ZNF536: variants seen among roughly 807,000 people sequenced by gnomAD.
The protein encoded by ZNF536 is zinc finger protein 536.
ZNF536 carries 13 observed loss-of-function variants against 84.5 expected under a neutral mutation model. That is an observed-to-expected ratio of 0.15 (90% confidence interval 0.10 to 0.24). The LOEUF (loss-of-function observed/expected upper bound fraction) is 0.24. Ranked by LOEUF, ZNF536 falls within the 10% of genes least tolerant of loss-of-function variation. The probability of loss-of-function intolerance (pLI) is 1.00; values close to 1 mark genes in which losing one functional copy is unlikely to be tolerated. For missense variants in ZNF536, 1,536 were observed against 1,747.5 expected (o/e 0.88, Z 2.16); for synonymous variants, 811 against 742.5 (o/e 1.09, Z -1.50).
intron 2 of ZNF536, among the ~76,000 whole-genome samples, chr19:30,489,531 A>G (rs2054426641): frequency 6.6e-6 from 1 of 152,132 alleles, no homozygotes; most frequent in Admixed American, 6.5e-5. Flanking sequence ...GCAGTGAGCT[A>G]TGATTGTGCC....
At chr19:30,530,328 CT>C (rs149810817) in intron 2 of ZNF536, among the ~76,000 whole-genome samples, 148 of 120,012 alleles carry the variant, frequency 1.2e-3, no homozygotes, top group African/African-American at 4.3e-3. Flanking sequence ...CTCTCTCTGT[CT>C]TTTTGTTGTT....
intron 1 of ZNF536, among the ~76,000 whole-genome samples, chr19:30,700,203 T>TC (rs1204835325): frequency 4.9e-5 from 6 of 123,588 alleles, no homozygotes; most frequent in African/African-American, 1.8e-4. Context: ...TTTCTTTCCT[T>TC]CTTTCTTTCC....
chr19:30,479,808 G>C (rs900452072), intron 2 of ZNF536, among the ~76,000 whole-genome samples: 14 of 152,328 alleles, frequency 9.2e-5, no homozygotes, highest in African/African-American at 3.4e-4. Flanking sequence ...GGGTATGGCT[G>C]GTTAACCAGC....
intron 1 of ZNF536, among the ~76,000 whole-genome samples, chr19:30,707,470 C>G (rs1391445066): frequency 5.3e-5 from 8 of 152,152 alleles, no homozygotes; most frequent in Non-Finnish European, 1.2e-4. Context: ...GGCAGTCACC[C>G]TGGGGACTCC....
intron 1 of ZNF536, among the ~76,000 whole-genome samples, chr19:30,644,188 G>A (rs2049373778): frequency 6.6e-6 from 1 of 152,050 alleles, no homozygotes; most frequent in Admixed American, 6.5e-5. Flanking sequence ...AAACACAGTG[G>A]GGTGCATTTT....
chr19:30,637,718 T>G (rs1402035557), intron 1 of ZNF536, among the ~76,000 whole-genome samples: 1 of 152,202 alleles, frequency 6.6e-6, no homozygotes, highest in African/African-American at 2.4e-5. Context: ...ATCACCCCTT[T>G]TTTCTCTTTT....
chr19:30,390,854 A>C (rs1326672370), intron 1 of ZNF536, among the ~76,000 whole-genome samples: 1 of 152,176 alleles, frequency 6.6e-6, no homozygotes, highest in African/African-American at 2.4e-5. Context: ...GGGGATCTCA[A>C]ACCCAGCCTG....
chr19:30,548,829 C>T lies in ZNF536; in HGVS notation c.3210C>T (p.Ser1070=), dbSNP rs750023773. The part of the protein sequence containing the change: ...NKDLGLSNMI[S]SLDSASEKMA... Reference sequence around the variant, plus strand: ...ACCTGGGCCTCTCCAATATGATCAGCTCTCTAGACTCTGCTTCTGAGAAGA... The same window carrying T: ...ACCTGGGCCTCTCCAATATGATCAGTTCTCTAGACTCTGCTTCTGAGAAGA... Residue 1070 remains serine (S), a synonymous_variant, in exon 4 of 5, where the codon AGC becomes AGT. Coordinates refer to ENST00000355537, the MANE Select transcript of ZNF536 (RefSeq NM_014717.3). 1 of 1,614,124 alleles carries T rather than the reference C, an allele frequency of 6.2e-7. No individual in the cohort carries two copies. Among genetic ancestry groups the T allele is most frequent in the Non-Finnish European group, 8.5e-7 (1 of 1,180,044 alleles).
intron 1 of ZNF536, among the ~76,000 whole-genome samples, chr19:30,265,391 AG>A (rs1295133858): frequency 6.6e-6 from 1 of 152,136 alleles, no homozygotes. Flanking sequence ...CCTGCAGGTC[AG>A]GAGGGACCTT....
intron 1 of ZNF536, among the ~76,000 whole-genome samples, chr19:30,256,901 ATTTAC>A (rs1451066285): frequency 6.6e-6 from 1 of 152,218 alleles, no homozygotes; most frequent in African/African-American, 2.4e-5. Flanking sequence ...AACTGACAGC[ATTTAC>A]TTTAATTTTC....
chr19:30,466,408 A>G (rs531407845), intron 2 of ZNF536, among the ~76,000 whole-genome samples: 1 of 150,290 alleles, frequency 6.7e-6, no homozygotes, highest in Admixed American at 6.6e-5. Flanking sequence ...CCAAACCAAA[A>G]CAAAAATCAG....
intron 2 of ZNF536, among the ~76,000 whole-genome samples, chr19:30,459,804 C>G (rs1254952119): frequency 6.6e-6 from 1 of 152,164 alleles, no homozygotes; most frequent in Non-Finnish European, 1.5e-5. Context: ...TTAGGGTGCC[C>G]TTGTCGAGCA....
chr19:30,460,299 C>T (rs1652154499), intron 2 of ZNF536, among the ~76,000 whole-genome samples: 1 of 152,160 alleles, frequency 6.6e-6, no homozygotes, highest in South Asian at 2.1e-4. Flanking sequence ...CAGAGAGAAG[C>T]TTTCTCACAG....
At chr19:30,550,158 T>C (rs886117142) in intron 4 of ZNF536, among the ~76,000 whole-genome samples, 2 of 152,228 alleles carry the variant, frequency 1.3e-5, no homozygotes, top group African/African-American at 4.8e-5. Context: ...TGTCTGTTGC[T>C]CTAACAAGAC....
At chr19:30,476,157 T>C (rs994639958) in intron 2 of ZNF536, among the ~76,000 whole-genome samples, 6 of 152,304 alleles carry the variant, frequency 3.9e-5, no homozygotes, top group Admixed American at 3.9e-4. Flanking sequence ...TCCCTGGGGT[T>C]AGGGCTGGGG....
intron 1 of ZNF536, among the ~76,000 whole-genome samples, chr19:30,643,221 C>T (rs575002445): frequency 1.3e-5 from 2 of 152,118 alleles, no homozygotes; most frequent in African/African-American, 2.4e-5. Flanking sequence ...CCATCCCAGC[C>T]TTGGCTGCTG....
In ZNF536 at chr19:30,557,370, A is replaced by G; in HGVS notation, c.*206A>G. On this transcript the variant is annotated 3_prime_UTR_variant, in exon 5 of 5. Transcript: ENST00000355537. Reference sequence around the variant, plus strand: ...TAGCAGAGAATCAGAGGCTAAAAATATTACCCCATATGTTCCAGTATTAGT... The same window carrying G: ...TAGCAGAGAATCAGAGGCTAAAAATGTTACCCCATATGTTCCAGTATTAGT... The G allele has an allele frequency of 2.1e-6, 1 of 482,632 alleles. No individual in the cohort carries two copies. The highest frequency in any genetic ancestry group is 3.7e-6 in the Non-Finnish European group (1 of 270,898). The allele number at this position is 482,632 out of a possible 1,614,324, so 29.9% of individuals were successfully genotyped here.
chr19:30,337,697 G>T (rs1600277401), intron 2 of ZNF536, among the ~76,000 whole-genome samples: 1 of 152,174 alleles, frequency 6.6e-6, no homozygotes, highest in African/African-American at 2.4e-5. Context: ...GTTGCTTAAG[G>T]CTCTGCTGGT....
intron 2 of ZNF536, among the ~76,000 whole-genome samples, chr19:30,336,916 T>C (rs557579494): frequency 7.9e-5 from 12 of 152,298 alleles, no homozygotes; most frequent in African/African-American, 2.6e-4. Flanking sequence ...TCATTAGTGA[T>C]TAGTTCGAGG....
Sources: allele counts gnomAD v4.1 joint callset (sites outside exome capture counted in the v4.1 genomes callset), GRCh38; gene constraint gnomAD v4.1.1; transcripts MANE v1.5; gene names NCBI Gene and HGNC (gene_info 2026-07-23, HGNC 2026-07-21).